Variants in LRRC4C observed in about 807,000 individuals in gnomAD.
LRRC4C encodes leucine-rich repeat-containing protein 4C.
A neutral mutation model predicts 33.6 loss-of-function variants in LRRC4C; 5 were observed. The observed-to-expected ratio is 0.15, with a 90% confidence interval of 0.08 to 0.31. LRRC4C has a LOEUF of 0.31. LRRC4C is among the 10% of genes least tolerant of loss of function. The pLI, the probability that LRRC4C is intolerant of heterozygous loss-of-function variation, is 1.00. For missense variants in LRRC4C, 560 were observed against 796.7 expected (o/e 0.70, Z 3.58); for synonymous variants, 329 against 302.0 (o/e 1.09, Z -0.93).
At chr11:40,736,064 G>T (rs1947852008) in intron 2 of LRRC4C, among the ~76,000 whole-genome samples, 1 of 151,912 alleles carries the variant, frequency 6.6e-6, no homozygotes, top group East Asian at 1.9e-4. Context: ...TGCAGAAAGT[G>T]CAGGTTTGTT....
intron 5 of LRRC4C, among the ~76,000 whole-genome samples, chr11:40,226,658 T>C (rs924953199): frequency 6.6e-6 from 1 of 152,142 alleles, no homozygotes; most frequent in African/African-American, 2.4e-5. Context: ...GAGCACTGGG[T>C]CTAAGAAATC....
chr11:40,550,027 A>G (rs1390170602), intron 3 of LRRC4C, among the ~76,000 whole-genome samples: 2 of 152,150 alleles, frequency 1.3e-5, no homozygotes, highest in African/African-American at 2.4e-5. Context: ...ATCTAATATC[A>G]TCTTCACCTC....
At chr11:40,371,778 A>C (rs1948460713) in intron 3 of LRRC4C, among the ~76,000 whole-genome samples, 1 of 152,212 alleles carries the variant, frequency 6.6e-6, no homozygotes, top group Admixed American at 6.5e-5. Context: ...ATGCTATAGA[A>C]TATTGAGGCA....
At chr11:41,270,994 A>T (rs1028915998) in intron 1 of LRRC4C, among the ~76,000 whole-genome samples, 5 of 151,872 alleles carry the variant, frequency 3.3e-5, no homozygotes, top group African/African-American at 1.2e-4. Context: ...CTATAAATCA[A>T]ATCATTGGAT....
intron 3 of LRRC4C, among the ~76,000 whole-genome samples, chr11:40,475,679 A>T (rs1427089827): frequency 6.6e-6 from 1 of 152,042 alleles, no homozygotes; most frequent in East Asian, 1.9e-4. Flanking sequence ...GATTTGGGGG[A>T]GCATTAGAGT....
In LRRC4C at chr11:41,351,236, TACACACACACACACATAC is replaced by T. The variant is rs1212866839; in HGVS notation, c.-496+108177_-496+108194del. 2.5e-3 allele frequency among the ~76,000 whole-genome samples: 276 copies of T among 111,114 alleles called. 1 individual carries two copies. Among genetic ancestry groups the T allele is most frequent in the South Asian group, 4.9e-3 (17 of 3,478 alleles). The allele number at this position is 111,114 out of a possible 152,430, so 72.9% of individuals were successfully genotyped here. ...TGGGTGAGTGAGACACACACACACATACACACACACACACATACACACACACACACACACATACATTTT... is the reference window on the plus strand; with the variant it reads ...TGGGTGAGTGAGACACACACACACATACACACACACACACACATACATTTT... On this transcript the variant is annotated intron_variant, in intron 1 of 6. Transcript: ENST00000528697.
At chr11:41,035,284 G>A (rs972896444) in intron 1 of LRRC4C, among the ~76,000 whole-genome samples, 1 of 151,932 alleles carries the variant, frequency 6.6e-6, no homozygotes, top group Non-Finnish European at 1.5e-5. Context: ...AGGTAAACAT[G>A]TGCCATGATG....
intron 1 of LRRC4C, among the ~76,000 whole-genome samples, chr11:40,970,675 C>T (rs1851664845): frequency 6.6e-6 from 1 of 152,090 alleles, no homozygotes; most frequent in Non-Finnish European, 1.5e-5. Flanking sequence ...CAGAGGAAGA[C>T]AGGAAGATGA....
intron 2 of LRRC4C, among the ~76,000 whole-genome samples, chr11:40,769,900 C>T (rs996305781): frequency 6.6e-6 from 1 of 152,092 alleles, no homozygotes; most frequent in African/African-American, 2.4e-5. Context: ...TGAGAAAACT[C>T]TCTAGGACAT....
chr11:41,159,024 C>T (rs1944350839), intron 1 of LRRC4C, among the ~76,000 whole-genome samples: 1 of 152,140 alleles, frequency 6.6e-6, no homozygotes, highest in African/African-American at 2.4e-5. Context: ...GTAGCTCATG[C>T]CTGTAATCCC....
intron 1 of LRRC4C, among the ~76,000 whole-genome samples, chr11:41,169,669 T>A (rs1461864738): frequency 6.6e-6 from 1 of 152,180 alleles, no homozygotes; most frequent in Non-Finnish European, 1.5e-5. Flanking sequence ...ATACTTGCAT[T>A]CAATACTGAT....
At chr11:41,075,060 T>TTTTTA (rs1555064937) in intron 1 of LRRC4C, among the ~76,000 whole-genome samples, 1 of 80,594 alleles carries the variant, frequency 1.2e-5, no homozygotes, top group Non-Finnish European at 2.3e-5. Context: ...TTTTTTTTTT[T>TTTTTA]TTATTATACT....
intron 3 of LRRC4C, among the ~76,000 whole-genome samples, chr11:40,435,269 C>T (rs563124649): frequency 2.0e-5 from 3 of 152,276 alleles, no homozygotes; most frequent in African/African-American, 4.8e-5. Context: ...GAGTCAGTGC[C>T]GAGGCAGACA....
chr11:40,727,864 C>A (rs1236636289), intron 2 of LRRC4C, among the ~76,000 whole-genome samples: 1 of 152,012 alleles, frequency 6.6e-6, no homozygotes, highest in East Asian at 1.9e-4. Context: ...GCCTGGCCAA[C>A]ATGGCAAAAC....
chr11:41,439,708 C>T (rs370214757), intron 1 of LRRC4C, among the ~76,000 whole-genome samples: 18 of 152,096 alleles, frequency 1.2e-4, no homozygotes, highest in African/African-American at 4.1e-4. Context: ...CATGTTTTTG[C>T]CCACTTTGTG....
chr11:40,648,538 AG>A (rs11289697), intron 2 of LRRC4C, among the ~76,000 whole-genome samples: 57,175 of 152,008 alleles, frequency 0.38, 11,817 homozygotes, highest in East Asian at 0.6. Context: ...GCTAAATAAA[AG>A]TTTATTGATT....
intron 2 of LRRC4C, among the ~76,000 whole-genome samples, chr11:40,655,695 T>G (rs950287643): frequency 2.6e-4 from 40 of 152,212 alleles, no homozygotes; most frequent in African/African-American, 9.6e-4. Flanking sequence ...TCATTTCTTA[T>G]TATTCCCACG....
intron 2 of LRRC4C, among the ~76,000 whole-genome samples, chr11:40,912,594 G>A (rs548469072): frequency 6.6e-6 from 1 of 152,312 alleles, no homozygotes; most frequent in African/African-American, 2.4e-5. Flanking sequence ...GCAAAACCAT[G>A]CCAAATTGTA....
intron 1 of LRRC4C, among the ~76,000 whole-genome samples, chr11:41,182,103 G>A (rs1171194355): frequency 6.6e-6 from 1 of 152,078 alleles, no homozygotes; most frequent in Non-Finnish European, 1.5e-5. Context: ...CTATTTAATG[G>A]TCATGTTGGA....
Sources: gnomAD v4.1 joint callset for allele counts (sites outside exome capture counted in the v4.1 genomes callset) on GRCh38, gnomAD v4.1.1 for gene constraint, MANE v1.5 for transcripts, NCBI Gene and HGNC (gene_info 2026-07-23, HGNC 2026-07-21) for gene names.